FMN1: variants seen among roughly 807,000 people sequenced by gnomAD.
FMN1 encodes the protein formin 1.
A neutral mutation model predicts 132.4 loss-of-function variants in FMN1; 110 were observed. The ratio of observed to expected loss-of-function variants is 0.83; its 90% CI spans 0.71 to 0.97. FMN1 has a LOEUF of 0.97. FMN1 is among the 50% of genes least tolerant of loss of function. The pLI, the probability that FMN1 is intolerant of heterozygous loss-of-function variation, is 0.00. For synonymous variants in FMN1, 722 were observed against 651.7 expected, an observed-to-expected ratio of 1.11 and a Z score of -1.64; for missense variants, 1,792 against 1,705.3, an observed-to-expected ratio of 1.05 and a Z score of -0.90.
At chr15:32,874,168 C>G (rs1245170238) in intron 16 of FMN1, among the ~76,000 whole-genome samples, 4 of 151,642 alleles carry the variant, frequency 2.6e-5, no homozygotes, top group Non-Finnish European at 5.9e-5. Context: ...ATTACAGGTG[C>G]CTGCCACCAC....
chr15:33,152,379 A>C (rs1261310719), intron 4 of FMN1, among the ~76,000 whole-genome samples: 1 of 152,198 alleles, frequency 6.6e-6, no homozygotes, highest in African/African-American at 2.4e-5. Flanking sequence ...CATAAGTAAA[A>C]GATACCTACG....
At chr15:32,782,962 G>A (rs1478627155) in intron 19 of FMN1, among the ~76,000 whole-genome samples, 1 of 150,668 alleles carries the variant, frequency 6.6e-6, no homozygotes, top group African/African-American at 2.5e-5. Flanking sequence ...GTTACACATG[G>A]ACATATAGAG....
At chr15:32,826,047 A>G (rs186833073) in intron 17 of FMN1, among the ~76,000 whole-genome samples, 8 of 152,348 alleles carry the variant, frequency 5.3e-5, no homozygotes, top group Non-Finnish European at 8.8e-5. Flanking sequence ...GGCTGTTTGG[A>G]TAACAAAACT....
chr15:32,873,458 C>T (rs1423640520), intron 16 of FMN1, among the ~76,000 whole-genome samples: 6 of 152,210 alleles, frequency 3.9e-5, no homozygotes, highest in Non-Finnish European at 8.8e-5. Flanking sequence ...GTCATTGATC[C>T]TACCTCTCTC....
At position 33,145,427 on chromosome 15, in the gene FMN1, T is replaced by C. The variant is rs185706026; in HGVS notation, c.1867+7621A>G. 1.6e-4 allele frequency among the ~76,000 whole-genome samples: 25 copies of C among 152,084 alleles called. No homozygotes were observed. The East Asian group carries it at 4.8e-3, about 29-fold the overall frequency. On this transcript the variant is annotated intron_variant, in intron 4 of 20. Coordinates refer to ENST00000616417, the MANE Select transcript of FMN1 (RefSeq NM_001277313.2). ...TTCCCCAAGTCTGTACATCCTGTTA[T>C]GCAGAATTTGCTTTCAATGTCCTAA...
chr15:32,826,059 G>A (rs1041069996), intron 17 of FMN1, among the ~76,000 whole-genome samples: 8 of 152,202 alleles, frequency 5.3e-5, no homozygotes, highest in African/African-American at 9.6e-5. Context: ...AACAAAACTC[G>A]AATGATGGAA....
At chr15:33,178,346 C>T (rs1454102886) in intron 3 of FMN1, among the ~76,000 whole-genome samples, 1 of 152,174 alleles carries the variant, frequency 6.6e-6, no homozygotes, top group Non-Finnish European at 1.5e-5. Context: ...ATCACTCCCT[C>T]CTGGCCTGTG....
intron 16 of FMN1, among the ~76,000 whole-genome samples, chr15:32,859,399 C>T (rs2059212366): frequency 6.6e-6 from 1 of 152,136 alleles, no homozygotes; most frequent in Admixed American, 6.5e-5. Flanking sequence ...CAAAGCTGTT[C>T]AATGTTTTCC....
At chr15:32,794,997 A>C (rs1191967130) in intron 19 of FMN1, among the ~76,000 whole-genome samples, 1 of 152,012 alleles carries the variant, frequency 6.6e-6, no homozygotes, top group Non-Finnish European at 1.5e-5. Flanking sequence ...GGAGTTTGAG[A>C]CCAGCCTGGG....
intron 5 of FMN1, among the ~76,000 whole-genome samples, chr15:33,079,207 A>G (rs2038350995): frequency 6.6e-6 from 1 of 152,150 alleles, no homozygotes; most frequent in Non-Finnish European, 1.5e-5. Flanking sequence ...TCTCATCAGA[A>G]TAGGAGACGA....
chr15:33,113,985 G>C lies in FMN1; in HGVS notation c.1868-25011C>G, dbSNP rs899339611. ...GCTCCTTAGCTCAGGAATTGCTCTA[G>C]GCTCAGTTATCTAAGGTCCAAGTCA... On this transcript the variant is annotated intron_variant, in intron 4 of 20. Coordinates refer to ENST00000616417, the MANE Select transcript of FMN1 (RefSeq NM_001277313.2). 2.0e-5 allele frequency among the ~76,000 whole-genome samples: 3 copies of C among 152,296 alleles called. No individual in the cohort carries two copies. The East Asian group carries it at 5.8e-4, about 29-fold the overall frequency.
intron 16 of FMN1, among the ~76,000 whole-genome samples, chr15:32,884,806 C>T (rs2059855960): frequency 1.3e-5 from 2 of 152,166 alleles, no homozygotes; most frequent in South Asian, 4.1e-4. Context: ...TTCCCAAGCA[C>T]CAAGAACTTG....
chr15:33,175,518 G>T (rs909478109), intron 3 of FMN1, among the ~76,000 whole-genome samples: 4 of 152,148 alleles, frequency 2.6e-5, no homozygotes, highest in African/African-American at 9.7e-5. Flanking sequence ...TATTTTGAAA[G>T]AAATTCAAGA....
At chr15:33,135,959 C>T (rs1180115698) in intron 4 of FMN1, among the ~76,000 whole-genome samples, 1 of 152,152 alleles carries the variant, frequency 6.6e-6, no homozygotes, top group African/African-American at 2.4e-5. Context: ...TTCTGTTTTG[C>T]CTACTGCTCT....
intron 17 of FMN1, among the ~76,000 whole-genome samples, chr15:32,853,633 A>G (rs565149717): frequency 4.7e-4 from 71 of 152,344 alleles, no homozygotes; most frequent in African/African-American, 1.7e-3. Flanking sequence ...GAGATACTCC[A>G]TTTGTATATA....
At chr15:32,841,771 T>C (rs1430030740) in intron 17 of FMN1, among the ~76,000 whole-genome samples, 2 of 152,222 alleles carry the variant, frequency 1.3e-5, no homozygotes, top group East Asian at 3.8e-4. Flanking sequence ...GGAAATACCA[T>C]CCATCCTGAA....
At chr15:32,969,576 T>C (rs576579651) in intron 7 of FMN1, 99 bp from the exon 8 acceptor site, 231 of 1,308,752 alleles carry the variant, frequency 1.8e-4, no homozygotes, top group Middle Eastern at 1.7e-3. Flanking sequence ...CACTGTAGCA[T>C]GGCCCACATA....
chr15:32,950,054 C>CATATATATATATATAT lies in FMN1; in HGVS notation c.3138+14037_3138+14052dup, dbSNP rs1226548479. ...ATATACACATATATATATATATACACATATATATATATATATATATATATA... is the reference window on the plus strand; with the variant it reads ...ATATACACATATATATATATATACACATATATATATATATATATATATATATATATATATATATATA... On this transcript the variant is annotated intron_variant, in intron 9 of 20. Coordinates refer to ENST00000616417, the MANE Select transcript of FMN1 (RefSeq NM_001277313.2). 8.1e-4 allele frequency among the ~76,000 whole-genome samples: 4 copies of CATATATATATATATAT among 4,922 alleles called. 2 individuals carry two copies. The highest frequency in any genetic ancestry group is 2.1e-3 in the Non-Finnish European group (4 of 1,878). 3.2% of individuals were successfully genotyped at this position (4,922 alleles called of 152,430 possible).
intron 4 of FMN1, among the ~76,000 whole-genome samples, chr15:33,090,975 C>T (rs139161163): frequency 2.0e-5 from 3 of 152,192 alleles, no homozygotes; most frequent in Non-Finnish European, 4.4e-5. Flanking sequence ...ACAGTATACT[C>T]TCACTGTACT....
Sources: allele counts gnomAD v4.1 joint callset (sites outside exome capture counted in the v4.1 genomes callset), GRCh38; gene constraint gnomAD v4.1.1; transcripts MANE v1.5; gene names NCBI Gene and HGNC (gene_info 2026-07-23, HGNC 2026-07-21).